USP32: variants seen among roughly 807,000 people sequenced by gnomAD.
The protein encoded by USP32 is ubiquitin carboxyl-terminal hydrolase 32.
Under a neutral mutation model 204.8 loss-of-function variants are expected in USP32, and 59 were observed. The observed-to-expected ratio is 0.29, with a 90% CI of 0.23 to 0.36. The LOEUF (loss-of-function observed/expected upper bound fraction) is 0.36, where lower values mean the gene tolerates loss of function less well. Among genes scored for constraint, USP32 ranks in the 10% least tolerant of loss-of-function variants. USP32 has a pLI of 1.00. For missense variants in USP32, 1,160 were observed against 1,946.4 expected, an observed-to-expected ratio of 0.60 and a Z score of 7.60; for synonymous variants, 517 against 678.4, an observed-to-expected ratio of 0.76 and a Z score of 3.70.
At chr17:60,304,945 G>T (rs2087685831) in intron 2 of USP32, 1 of 152,122 alleles carries the variant, frequency 6.6e-6, no homozygotes, top group Non-Finnish European at 1.5e-5. Context: ...AGGAATACTG[G>T]TATCCTCATT....
chr17:60,347,945 A>G (rs1390071653), intron 1 of USP32, among the ~76,000 whole-genome samples: 1 of 150,812 alleles, frequency 6.6e-6, no homozygotes, highest in Non-Finnish European at 1.5e-5. Flanking sequence ...GCACAATGAA[A>G]CCCCGTCTCT....
At chr17:60,380,848 T>C (rs956028292) in intron 1 of USP32, among the ~76,000 whole-genome samples, 28 of 152,192 alleles carry the variant, frequency 1.8e-4, no homozygotes, top group Non-Finnish European at 3.1e-4. Context: ...CAAATTATAA[T>C]AAGAATTAGA....
At chr17:60,350,518 A>G (rs1282284816) in intron 1 of USP32, among the ~76,000 whole-genome samples, 1 of 152,180 alleles carries the variant, frequency 6.6e-6, no homozygotes, top group Non-Finnish European at 1.5e-5. Context: ...CAAACTCCTG[A>G]CCTCAAGTGA....
At chr17:60,187,125 G>A (rs2084270773) in intron 29 of USP32, among the ~76,000 whole-genome samples, 1 of 152,158 alleles carries the variant, frequency 6.6e-6, no homozygotes, top group African/African-American at 2.4e-5. Context: ...ACATTAGGCT[G>A]TTGCAATACA....
intron 1 of USP32, among the ~76,000 whole-genome samples, chr17:60,365,252 G>A (rs527808201): frequency 1.6e-4 from 25 of 152,134 alleles, no homozygotes; most frequent in African/African-American, 5.5e-4. Flanking sequence ...AGGCCGAGGC[G>A]GGTGGATCAT....
At chr17:60,401,236 G>A (rs896470300) in intron 1 of USP32, among the ~76,000 whole-genome samples, 11 of 151,790 alleles carry the variant, frequency 7.2e-5, no homozygotes, top group South Asian at 2.1e-4. Flanking sequence ...TGGGCGTGGT[G>A]GTGGGCGCCT....
At chr17:60,255,448 C>A (rs2086276894) in intron 9 of USP32, among the ~76,000 whole-genome samples, 190 bp from the exon 10 acceptor site, 1 of 152,048 alleles carries the variant, frequency 6.6e-6, no homozygotes, top group Non-Finnish European at 1.5e-5. Context: ...CAGGTGCCCG[C>A]CACCATGCCT....
At chr17:60,268,378 G>A (rs891440275) in intron 7 of USP32, among the ~76,000 whole-genome samples, 2 of 150,194 alleles carry the variant, frequency 1.3e-5, no homozygotes, top group Admixed American at 6.6e-5. Context: ...AGACTAGCCT[G>A]GGCAACATAA....
chr17:60,225,116 ATAATT>A (rs1330402199), intron 13 of USP32, among the ~76,000 whole-genome samples: 2 of 152,224 alleles, frequency 1.3e-5, no homozygotes, highest in Non-Finnish European at 2.9e-5. Flanking sequence ...TACTGACTAA[ATAATT>A]TAATAGCAAT....
intron 1 of USP32, among the ~76,000 whole-genome samples, chr17:60,364,851 CTAA>C (rs1281983780): frequency 6.6e-6 from 1 of 152,216 alleles, no homozygotes; most frequent in Non-Finnish European, 1.5e-5. Context: ...ACCTAATCCT[CTAA>C]TGAGATTCAT....
chr17:60,404,234 G>A (rs965068691), intron 1 of USP32, among the ~76,000 whole-genome samples: 3 of 152,052 alleles, frequency 2.0e-5, no homozygotes, highest in African/African-American at 7.2e-5. Context: ...GAGGGAGAGA[G>A]AATGCAAATA....
Position 60,210,870 on chromosome 17 carries a change from A to AAAAAT in USP32, c.2424+142_2424+143insATTTT. ...TTTTGCATATATTTAAACAAGCAAA[A>AAAAAT]GAATTTGACCTTTTGTTTATACCAA... On this transcript the variant is annotated intron_variant, in intron 21 of 33. Transcript: ENST00000300896. 2.2e-6 allele frequency: 3 copies of AAAAAT among 1,394,894 alleles called. No homozygotes were observed. The South Asian group carries it at 5.0e-5, about 23-fold the overall frequency. The allele number at this position is 1,394,894 out of a possible 1,614,324, so 86.4% of individuals were successfully genotyped here.
At chr17:60,401,324 C>T (rs1399738520) in intron 1 of USP32, among the ~76,000 whole-genome samples, 2 of 152,062 alleles carry the variant, frequency 1.3e-5, no homozygotes, top group African/African-American at 4.8e-5. Flanking sequence ...GAGCCGAGAT[C>T]GCGCCACTGC....
Position 60,185,397 on chromosome 17 carries a change from T to C in USP32, c.3834+63A>G, listed in dbSNP as rs147522072. ...CTCAAAAATAACAAAACCTCCTGTT[T>C]GTTCATGTCTTCTTTCTTTTATGCC... is the stretch of plus-strand genomic sequence containing the variant. On this transcript the variant is annotated intron_variant, in intron 30 of 33. Transcript: ENST00000300896. The C allele has an allele frequency of 2.3e-4, 341 of 1,476,754 alleles. No homozygotes were observed. The East Asian group carries it at 6.2e-3, about 27-fold the overall frequency. 91.5% of individuals were successfully genotyped at this position (1,476,754 alleles called of 1,614,324 possible). A position where few individuals can be genotyped will look rare whatever the true frequency, so the allele number is the denominator to read the frequency against.
chr17:60,379,158 T>C (rs1254138822), intron 1 of USP32, among the ~76,000 whole-genome samples: 2 of 152,168 alleles, frequency 1.3e-5, no homozygotes, highest in African/African-American at 4.8e-5. Flanking sequence ...TTTTGCTTTC[T>C]CAAAGATATG....
At chr17:60,286,317 T>C (rs1280830713) in intron 5 of USP32, among the ~76,000 whole-genome samples, 1 of 152,178 alleles carries the variant, frequency 6.6e-6, no homozygotes, top group Non-Finnish European at 1.5e-5. Context: ...TTTGCGGATG[T>C]AATGAATTAA....
intron 8 of USP32, 44 bp downstream of exon 8, chr17:60,265,932 A>G (rs2086580003): frequency 6.9e-7 from 1 of 1,453,054 alleles, no homozygotes; most frequent in Non-Finnish European, 9.6e-7. Context: ...CCAATTTCCC[A>G]TTGGAAGTTT....
chr17:60,247,693 T>C (rs1472366235), intron 11 of USP32, among the ~76,000 whole-genome samples: 1 of 151,526 alleles, frequency 6.6e-6, no homozygotes, highest in Non-Finnish European at 1.5e-5. Flanking sequence ...TTTTTGTTTG[T>C]TTGTTTTTGA....
At chr17:60,251,194 T>C (rs2086158010) in intron 11 of USP32, among the ~76,000 whole-genome samples, 1 of 151,996 alleles carries the variant, frequency 6.6e-6, no homozygotes, top group African/African-American at 2.4e-5. Context: ...CCACCTGCCT[T>C]GGCTTCCCAA....
Sources: gnomAD v4.1 joint callset for allele counts (sites outside exome capture counted in the v4.1 genomes callset) on GRCh38, gnomAD v4.1.1 for gene constraint, MANE v1.5 for transcripts, NCBI Gene and HGNC (gene_info 2026-07-23, HGNC 2026-07-21) for gene names.